Variants in RAB31 observed in about 807,000 individuals in gnomAD.
RAB31 encodes the protein RAB31, member RAS oncogene family, also known as ras-related protein Rab-31.
Under a neutral mutation model 25.6 loss-of-function variants are expected in RAB31, and 21 were observed. That is an observed-to-expected ratio of 0.82 (90% CI 0.58 to 1.18). RAB31 has a LOEUF of 1.18. Ranked by LOEUF, RAB31 falls within the 50% of genes most tolerant of loss-of-function variation. The probability of loss-of-function intolerance (pLI) is 0.00; values close to 1 mark genes in which losing one functional copy is unlikely to be tolerated. For missense variants in RAB31, 196 were observed against 250.1 expected (o/e 0.78, Z 1.46); for synonymous variants, 87 against 84.0 (o/e 1.04, Z -0.20).
At chr18:9,834,272 C>T (rs748935439) in intron 5 of RAB31, among the ~76,000 whole-genome samples, 4 of 152,132 alleles carry the variant, frequency 2.6e-5, no homozygotes, top group Admixed American at 6.5e-5. Flanking sequence ...CCCGCCACCA[C>T]GCCTAGCTAA....
chr18:9,773,672 T>TA (rs1295358857), intron 1 of RAB31, among the ~76,000 whole-genome samples: 1 of 152,182 alleles, frequency 6.6e-6, no homozygotes, highest in Non-Finnish European at 1.5e-5. Flanking sequence ...AATATATATA[T>TA]TTTTTGAGAC....
At chr18:9,778,083 GT>G (rs770041443) in intron 2 of RAB31, among the ~76,000 whole-genome samples, 59 of 152,148 alleles carry the variant, frequency 3.9e-4, no homozygotes, top group Admixed American at 1.2e-3. Flanking sequence ...TAAAAAGACA[GT>G]GCATACTCAT....
chr18:9,814,026 T>G lies in RAB31; in HGVS notation c.208T>G (p.Ser70Ala). The change falls in exon 4 of 7, where the codon TCA becomes GCA. Residue 70 changes from serine to alanine, a missense_variant. Transcript: ENST00000578921. ...WDTAGQERFH[S>A]LAPMYYRGSA... ...GTTCATTGTTCTTAAACAGTTTCAT[T>G]CATTGGCTCCCATGTACTATCGAGG... 6.3e-7 allele frequency: 1 copy of G among 1,585,254 alleles called. No homozygotes were observed. The highest frequency in any genetic ancestry group is 8.6e-7 in the Non-Finnish European group (1 of 1,160,766).
At chr18:9,850,452 G>A (rs887015790) in intron 6 of RAB31, among the ~76,000 whole-genome samples, 2 of 152,058 alleles carry the variant, frequency 1.3e-5, no homozygotes, top group Non-Finnish European at 2.9e-5. Context: ...TACTTAACTC[G>A]AATATCTCTT....
chr18:9,755,072 G>A (rs1333677565), intron 1 of RAB31, among the ~76,000 whole-genome samples: 1 of 152,102 alleles, frequency 6.6e-6, no homozygotes, highest in Non-Finnish European at 1.5e-5. Context: ...ACTGTAAGGC[G>A]TCACACTAGT....
At chr18:9,838,701 C>G (rs1474188277) in intron 5 of RAB31, among the ~76,000 whole-genome samples, 1 of 152,202 alleles carries the variant, frequency 6.6e-6, no homozygotes, top group African/African-American at 2.4e-5. Flanking sequence ...GTTTCCTGAT[C>G]CCCTCCCCTG....
At chr18:9,822,750 C>T (rs2068630136) in intron 5 of RAB31, among the ~76,000 whole-genome samples, 1 of 152,140 alleles carries the variant, frequency 6.6e-6, no homozygotes, top group Admixed American at 6.5e-5. Context: ...AAATAAAAAT[C>T]AGCGACAACA....
At chr18:9,816,443 G>A (rs2068599499) in intron 5 of RAB31, among the ~76,000 whole-genome samples, 1 of 152,144 alleles carries the variant, frequency 6.6e-6, no homozygotes, top group African/African-American at 2.4e-5. Context: ...ATGACTACTA[G>A]CACAATTTTA....
At chr18:9,851,454 C>T (rs914869687) in intron 6 of RAB31, among the ~76,000 whole-genome samples, 4 of 152,048 alleles carry the variant, frequency 2.6e-5, no homozygotes, top group African/African-American at 4.8e-5. Flanking sequence ...ATTAATGCAC[C>T]CTTGATCCTG....
chr18:9,733,717 G>A (rs961272421), intron 1 of RAB31, among the ~76,000 whole-genome samples: 8 of 152,054 alleles, frequency 5.3e-5, no homozygotes, highest in Non-Finnish European at 5.9e-5. Context: ...AGGTTCTTGG[G>A]CTCAGACACC....
At chr18:9,752,138 C>T (rs2068238271) in intron 1 of RAB31, among the ~76,000 whole-genome samples, 1 of 152,172 alleles carries the variant, frequency 6.6e-6, no homozygotes, top group Non-Finnish European at 1.5e-5. Context: ...CCAGCCTCTG[C>T]GTGGAAGGAC....
At chr18:9,763,446 G>T (rs1056254511) in intron 1 of RAB31, among the ~76,000 whole-genome samples, 20 of 151,600 alleles carry the variant, frequency 1.3e-4, no homozygotes, top group African/African-American at 4.9e-4. Flanking sequence ...AACTAGGAAA[G>T]GAATAAAACG....
intron 1 of RAB31, among the ~76,000 whole-genome samples, chr18:9,746,927 T>C (rs925520598): frequency 6.6e-6 from 1 of 152,086 alleles, no homozygotes; most frequent in African/African-American, 2.4e-5. Flanking sequence ...TTGGACCTCA[T>C]CAAAATTAAA....
In RAB31 at chr18:9,829,968, A is replaced by G. The variant is rs930014541; in HGVS notation, c.380+14746A>G. Among the ~76,000 whole-genome samples, 5 of 151,414 alleles carry G rather than the reference A, an allele frequency of 3.3e-5. No individual in the cohort carries two copies. The South Asian group carries it at 1.0e-3, about 31-fold the overall frequency. The stretch of plus-strand genomic sequence containing the variant: ...TATCATCTTCGAATTTAGGTCTTAT[A>G]TTTTCATTTTCTTTATGTTGTCTTT... On this transcript the variant is annotated intron_variant, in intron 5 of 6. Coordinates refer to ENST00000578921, the MANE Select transcript of RAB31 (RefSeq NM_006868.4).
intron 3 of RAB31, among the ~76,000 whole-genome samples, chr18:9,806,102 G>C (rs572642004): frequency 1.3e-5 from 2 of 151,884 alleles, no homozygotes; most frequent in Non-Finnish European, 2.9e-5. Context: ...GCGTGAACCC[G>C]GGAGGCGGAG....
Position 9,753,827 on chromosome 18 carries a change from A to G in RAB31, c.40-21451A>G, listed in dbSNP as rs113757416. Among the ~76,000 whole-genome samples the G allele has an allele frequency of 6.0e-3, 907 of 152,322 alleles. 9 individuals carry two copies. Among genetic ancestry groups the G allele is most frequent in the African/African-American group, 0.021 (863 of 41,570 alleles). On this transcript the variant is annotated intron_variant, in intron 1 of 6. Transcript: ENST00000578921. ...TGATACCTCCCAGAGTCATCAGAAG[A>G]TCAAATACAACCATGAACGTGTTTG...
intron 3 of RAB31, among the ~76,000 whole-genome samples, chr18:9,806,796 G>A (rs986148873): frequency 2.6e-5 from 4 of 152,234 alleles, no homozygotes; most frequent in African/African-American, 9.6e-5. Context: ...GAGGTAGAAA[G>A]GAAGCCAGTG....
intron 3 of RAB31, 63 bp downstream of exon 3, chr18:9,792,298 G>T (rs2068464763): frequency 6.5e-7 from 1 of 1,546,332 alleles, no homozygotes; most frequent in Non-Finnish European, 8.8e-7. Context: ...GTTTCTGAAG[G>T]TTTGTTTGCA....
chr18:9,773,789 G>A (rs545522740), intron 1 of RAB31, among the ~76,000 whole-genome samples: 11 of 152,216 alleles, frequency 7.2e-5, no homozygotes, highest in African/African-American at 1.7e-4. Context: ...CTCCCAAGTA[G>A]CTGGGACTAC....
Sources: allele counts gnomAD v4.1 joint callset (sites outside exome capture counted in the v4.1 genomes callset), GRCh38; gene constraint gnomAD v4.1.1; transcripts MANE v1.5; gene names NCBI Gene and HGNC (gene_info 2026-07-23, HGNC 2026-07-21).